Variants in SPOCK3 observed in about 807,000 individuals in gnomAD.
SPOCK3 encodes the protein testican-3.
Under a neutral mutation model 56.6 loss-of-function variants are expected in SPOCK3, and 30 were observed. That is an observed-to-expected ratio of 0.53 (90% CI 0.40 to 0.72). SPOCK3 has a LOEUF of 0.72. SPOCK3 is among the 30% of genes least tolerant of loss of function. The pLI is 0.00. For missense variants in SPOCK3, 527 were observed against 530.0 expected (o/e 0.99, Z 0.06); for synonymous variants, 196 against 183.3 (o/e 1.07, Z -0.56).
At chr4:166,889,301 T>G in intron 5 of SPOCK3, 57 bp from the exon 6 acceptor site, 1 of 1,123,684 alleles carries the variant, frequency 8.9e-7, no homozygotes, top group Non-Finnish European at 1.3e-6. Flanking sequence ...TCAGTAAAAC[T>G]CAAGAAATTT....
intron 7 of SPOCK3, among the ~76,000 whole-genome samples, chr4:166,763,772 A>T (rs1220599145): frequency 6.6e-6 from 1 of 152,146 alleles, no homozygotes; most frequent in East Asian, 1.9e-4. Context: ...CCCTAGAGCA[A>T]ACACCAAAAA....
intron 5 of SPOCK3, among the ~76,000 whole-genome samples, chr4:166,909,003 C>G (rs1345658605): frequency 1.3e-5 from 2 of 151,978 alleles, no homozygotes; most frequent in Non-Finnish European, 2.9e-5. Flanking sequence ...TCAGAGAACA[C>G]TGGTTCTTTT....
chr4:166,847,647 TTATATATATA>T lies in SPOCK3; in HGVS notation c.589+41473_589+41482del, dbSNP rs147015731. Among the ~76,000 whole-genome samples, 39 of 55,408 alleles carry T rather than the reference TTATATATATA, an allele frequency of 7.0e-4. 1 individual carries two copies. Among genetic ancestry groups the T allele is most frequent in the South Asian group, 2.1e-3 (2 of 932 alleles). The allele number at this position is 55,408 out of a possible 152,430, so 36.3% of individuals were successfully genotyped here. ...CACAATTCAAAAGGAAAATCCTAGT[TTATATATATA>T]TATATATATATATATATATATATAA... On this transcript the variant is annotated intron_variant, in intron 6 of 10. Transcript: ENST00000357545.
At chr4:166,884,899 A>G (rs1734042428) in intron 6 of SPOCK3, among the ~76,000 whole-genome samples, 1 of 150,968 alleles carries the variant, frequency 6.6e-6, no homozygotes, top group East Asian at 2.0e-4. Context: ...ACACACACAC[A>G]CTTAGTATTA....
intron 6 of SPOCK3, among the ~76,000 whole-genome samples, chr4:166,876,926 A>T (rs1733152125): frequency 6.6e-6 from 1 of 152,174 alleles, no homozygotes; most frequent in African/African-American, 2.4e-5. Context: ...AACTTTAATA[A>T]TAATTTATTT....
chr4:167,060,842 G>T (rs1275036189), intron 3 of SPOCK3, among the ~76,000 whole-genome samples: 1 of 151,986 alleles, frequency 6.6e-6, no homozygotes, highest in Non-Finnish European at 1.5e-5. Context: ...ACCTGAGCAG[G>T]AGCTTAACTA....
intron 6 of SPOCK3, among the ~76,000 whole-genome samples, chr4:166,846,189 C>T (rs1748040795): frequency 6.6e-6 from 1 of 152,088 alleles, no homozygotes; most frequent in African/African-American, 2.4e-5. Context: ...TTATGTGGTA[C>T]CTGACTTCTT....
intron 4 of SPOCK3, among the ~76,000 whole-genome samples, chr4:166,968,433 C>T (rs989950375): frequency 6.6e-6 from 1 of 152,156 alleles, no homozygotes; most frequent in Non-Finnish European, 1.5e-5. Flanking sequence ...AGGGCATGCC[C>T]AGGACCCTGC....
At chr4:166,897,111 A>G (rs1424694207) in intron 5 of SPOCK3, among the ~76,000 whole-genome samples, 2 of 152,128 alleles carry the variant, frequency 1.3e-5, no homozygotes, top group Non-Finnish European at 2.9e-5. Context: ...ATATACTTCC[A>G]TGATTGGAAC....
chr4:167,172,750 ATG>A (rs1036070855), intron 2 of SPOCK3, among the ~76,000 whole-genome samples: 8 of 151,988 alleles, frequency 5.3e-5, no homozygotes, highest in Non-Finnish European at 7.4e-5. Context: ...ACATCTATAT[ATG>A]TGTGTGTGTG....
In SPOCK3 at chr4:166,734,773, A is replaced by G; in HGVS notation, c.*148T>C. On this transcript the variant is annotated 3_prime_UTR_variant, in exon 11 of 11. Transcript: ENST00000357545. ...TTCTTATTTAAACATAAAGTTCTAT[A>G]ACTTTAGCTGCAATTTTTCAAATAA... 1.5e-6 allele frequency: 1 copy of G among 683,762 alleles called. No homozygotes were observed. The highest frequency in any genetic ancestry group is 2.3e-6 in the Non-Finnish European group (1 of 430,760). 42.4% of individuals were successfully genotyped at this position (683,762 alleles called of 1,614,324 possible).
chr4:167,059,845 C>A (rs1055779996), intron 3 of SPOCK3, among the ~76,000 whole-genome samples: 21 of 152,136 alleles, frequency 1.4e-4, no homozygotes, highest in African/African-American at 4.8e-4. Context: ...AGTTCATGTC[C>A]TTTATAGCGA....
intron 6 of SPOCK3, among the ~76,000 whole-genome samples, chr4:166,833,164 T>C (rs777277748): frequency 2.7e-5 from 4 of 150,390 alleles, no homozygotes; most frequent in Admixed American, 6.7e-5. Context: ...TTTAGAAGTT[T>C]AATTTCCAAA....
chr4:167,226,394 T>C (rs764432257), intron 2 of SPOCK3, among the ~76,000 whole-genome samples: 29 of 152,056 alleles, frequency 1.9e-4, no homozygotes, highest in Non-Finnish European at 3.8e-4. Context: ...ACTGGGATAA[T>C]ATGGAATTTG....
At chr4:167,205,460 A>G (rs1734127241) in intron 2 of SPOCK3, among the ~76,000 whole-genome samples, 1 of 51,866 alleles carries the variant, frequency 1.9e-5, no homozygotes, top group Admixed American at 3.8e-4. Flanking sequence ...TTATATAAAT[A>G]TATAGAATTT....
In SPOCK3 at chr4:166,783,967, T is replaced by C. The variant is rs543201715; in HGVS notation, c.709+8203A>G. Among the ~76,000 whole-genome samples, 55 of 152,142 alleles carry C rather than the reference T, an allele frequency of 3.6e-4. 1 individual carries two copies. The highest frequency in any genetic ancestry group is 6.8e-4 in the Non-Finnish European group (46 of 68,014). ...AGATTTCTTAACCTCTTCATTGTTT[T>C]TTTTTGGGGGGAGGTGTTGTTTCAT... On this transcript the variant is annotated intron_variant, in intron 7 of 10. Coordinates refer to ENST00000357545, the MANE Select transcript of SPOCK3 (RefSeq NM_001040159.2).
intron 3 of SPOCK3, among the ~76,000 whole-genome samples, chr4:167,033,228 T>C (rs1752436773): frequency 6.6e-6 from 1 of 151,624 alleles, no homozygotes; most frequent in Non-Finnish European, 1.5e-5. Context: ...AGTGCCAAAG[T>C]AATTCACCAC....
intron 4 of SPOCK3, among the ~76,000 whole-genome samples, chr4:166,929,823 A>G (rs1249288605): frequency 6.6e-6 from 1 of 152,180 alleles, no homozygotes; most frequent in African/African-American, 2.4e-5. Flanking sequence ...AGATATGTAA[A>G]TTATTAGTCT....
At chr4:167,111,488 A>C (rs1760895922) in intron 2 of SPOCK3, among the ~76,000 whole-genome samples, 1 of 152,152 alleles carries the variant, frequency 6.6e-6, no homozygotes, top group African/African-American at 2.4e-5. Flanking sequence ...ATTCTACATA[A>C]TACTTGCTTA....
Sources: allele counts gnomAD v4.1 joint callset (sites outside exome capture counted in the v4.1 genomes callset), GRCh38; gene constraint gnomAD v4.1.1; transcripts MANE v1.5; gene names NCBI Gene and HGNC (gene_info 2026-07-23, HGNC 2026-07-21).